Variants in TTLL8 observed in about 807,000 individuals in gnomAD.
TTLL8 encodes tubulin tyrosine ligase like 8.
TTLL8 carries 65 observed loss-of-function variants against 77.8 expected under a neutral mutation model. The ratio of observed to expected loss-of-function variants is 0.84; its 90% confidence interval spans 0.68 to 1.03. The LOEUF is 1.03. TTLL8 is among the 50% of genes least tolerant of loss of function. The pLI, the probability that TTLL8 is intolerant of heterozygous loss-of-function variation, is 0.00. For missense variants in TTLL8, 910 were observed against 1,004.5 expected (o/e 0.91, Z 1.27); for synonymous variants, 402 against 422.8 (o/e 0.95, Z 0.60).
chr22:50,032,127 G>A lies in TTLL8; in HGVS notation c.1284-18C>T, dbSNP rs772000301. ...GGATGGCGCTGCAGGGGGGACGAGG[G>A]GCAGGTGCTCAGCCTCCCTTGGCCC... On this transcript the variant is annotated intron_variant, in intron 10 of 13. Coordinates refer to ENST00000266182, the Ensembl canonical transcript of TTLL8. 86 of 1,341,246 alleles carry A rather than the reference G, an allele frequency of 6.4e-5. 2 individuals carry two copies. The South Asian group carries it at 9.5e-4, about 15-fold the overall frequency. The allele number at this position is 1,341,246 out of a possible 1,614,324, so 83.1% of individuals were successfully genotyped here. A position where few individuals can be genotyped will look rare whatever the true frequency, so the allele number is the denominator to read the frequency against.
At chr22:50,038,848 T>C (rs545502809) in intron 8 of TTLL8, among the ~76,000 whole-genome samples, 20 of 152,216 alleles carry the variant, frequency 1.3e-4, no homozygotes, top group Non-Finnish European at 4.4e-5. Context: ...CATTTCCAAG[T>C]TGGCTAAACA....
At chr22:50,030,283 C>T (rs1030627740) in intron 12 of TTLL8, 147 bp downstream of exon 13, 21 of 1,085,946 alleles carry the variant, frequency 1.9e-5, no homozygotes, top group African/African-American at 1.7e-5. Flanking sequence ...CGGCTCCCGC[C>T]GGCGCCTCCG....
intron 8 of TTLL8, among the ~76,000 whole-genome samples, chr22:50,037,001 T>C (rs1036126161): frequency 2.2e-4 from 34 of 152,220 alleles, no homozygotes; most frequent in Non-Finnish European, 4.8e-4. Context: ...TGGGCCATCA[T>C]GAAGTCTTTC....
At chr22:50,054,770 T>C (rs532984784), upstream of TTLL8, 1 of 172,160 alleles carries the variant, frequency 5.8e-6, no homozygotes, top group South Asian at 1.6e-4. Flanking sequence ...ATAAAAGGTA[T>C]CTCCAGGCTA....
intron 1 of TTLL8, among the ~76,000 whole-genome samples, chr22:50,052,655 T>A (rs1214885769): frequency 6.6e-6 from 1 of 152,190 alleles, no homozygotes; most frequent in African/African-American, 2.4e-5. Flanking sequence ...AAATAGTCTT[T>A]GGGACAAATA....
upstream of TTLL8, chr22:50,056,656 G>C: frequency 4.4e-6 from 3 of 677,454 alleles, no homozygotes; most frequent in Non-Finnish European, 5.5e-6. The surrounding 1 kb of genome is among the most constrained non-coding windows in gnomAD (Gnocchi z 4.1). Context: ...TGGCCAGTGG[G>C]ATCGGGGTAC....
chr22:50,020,333 A>ATCTGACGTGCACC (rs2061187397), intron 12 of TTLL8, among the ~76,000 whole-genome samples: 1 of 93,694 alleles, frequency 1.1e-5, no homozygotes, highest in African/African-American at 4.7e-5. Flanking sequence ...TGACGTGCAC[A>ATCTGACGTGCACC]CCTCCATCTA....
intron 3 of TTLL8, among the ~76,000 whole-genome samples, chr22:50,048,115 A>G (rs866655349): frequency 6.9e-6 from 1 of 145,640 alleles, no homozygotes. Flanking sequence ...CCCCCAAAAA[A>G]GTGTGTGTGT....
intron 8 of TTLL8, among the ~76,000 whole-genome samples, chr22:50,040,044 G>A (rs903971108): frequency 5.6e-5 from 8 of 142,352 alleles, no homozygotes; most frequent in African/African-American, 1.6e-4. Flanking sequence ...CAGACCCCAC[G>A]TGTGCCAGTG....
Position 50,028,611 on chromosome 22 carries a change from C to A in TTLL8, c.2203+1819G>T, listed in dbSNP as rs543974263. Among the ~76,000 whole-genome samples, 39 of 144,816 alleles carry A rather than the reference C, an allele frequency of 2.7e-4. 1 individual carries two copies. The highest frequency in any genetic ancestry group is 8.8e-4 in the African/African-American group (35 of 39,836). On this transcript the variant is annotated intron_variant, in intron 12 of 13. Transcript: ENST00000266182. The stretch of plus-strand genomic sequence containing the variant: ...TGCCCTCGTAAAGACCCCCATCACA[C>A]CGTCCTGAAGACCCCCACATACCCT...
intron 12 of TTLL8, chr22:50,027,644 C>G (rs1159966250): frequency 8.1e-6 from 8 of 985,328 alleles, no homozygotes; most frequent in Admixed American, 6.1e-5. Context: ...GCTCCAAGGG[C>G]CAGCACGCAC....
intron 8 of TTLL8, among the ~76,000 whole-genome samples, chr22:50,036,653 G>A (rs2061339105): frequency 3.3e-5 from 5 of 150,576 alleles, no homozygotes. Context: ...AGGCTTGAGT[G>A]CAGTGGCACG....
At chr22:50,037,593 T>G (rs2061345572) in intron 8 of TTLL8, among the ~76,000 whole-genome samples, 2 of 152,216 alleles carry the variant, frequency 1.3e-5, no homozygotes, top group South Asian at 4.1e-4. Context: ...TACATTTTTT[T>G]TTCGTATGGC....
At position 50,034,607 on chromosome 22, in the gene TTLL8, G is replaced by A; in HGVS notation, c.922-145C>T. 1 of 804,340 alleles carries A rather than the reference G, an allele frequency of 1.2e-6. No individual in the cohort carries two copies. Among genetic ancestry groups the A allele is most frequent in the Non-Finnish European group, 1.7e-6 (1 of 580,790 alleles). The allele number at this position is 804,340 out of a possible 1,614,324, so 49.8% of individuals were successfully genotyped here. ...TCTAGGATGGTCTGGGGCTGGCCTGGCGGGAAAGGGCTGCGGGTCGGCCCA... is the reference window on the plus strand; with the variant it reads ...TCTAGGATGGTCTGGGGCTGGCCTGACGGGAAAGGGCTGCGGGTCGGCCCA... On this transcript the variant is annotated intron_variant, in intron 8 of 13. Transcript: ENST00000266182. This position sits in a 1 kb window ranked among gnomAD's most constrained non-coding sequence, Gnocchi z 4.1.
intron 12 of TTLL8, chr22:50,030,157 G>T: frequency 4.1e-6 from 4 of 984,968 alleles, no homozygotes; most frequent in Non-Finnish European, 4.8e-6. Flanking sequence ...GGGGACAAAG[G>T]CGTCACCCGC....
intron 11 of TTLL8, among the ~76,000 whole-genome samples, chr22:50,031,457 C>T (rs1044475163): frequency 1.3e-5 from 2 of 152,238 alleles, no homozygotes; most frequent in Non-Finnish European, 2.9e-5. Context: ...TCCGCCCGCA[C>T]GCCTGGAGTA....
chr22:50,050,155 CA>C lies in TTLL8; in HGVS notation c.143del (p.Leu48CysfsTer40). On this transcript the variant is annotated frameshift_variant, in exon 2 of 14. Coordinates refer to ENST00000266182, the Ensembl canonical transcript of TTLL8. LOFTEE classifies it high-confidence loss of function. ...CCTCGACATCCGGAATGACCTTGGG[CA>C]AAAAGTGGAACTTCTTCTCTACCCA... The C allele has an allele frequency of 7.3e-7, 1 of 1,367,108 alleles. No homozygotes were observed. Among genetic ancestry groups the C allele is most frequent in the Non-Finnish European group, 9.8e-7 (1 of 1,021,696 alleles). 84.7% of individuals were successfully genotyped at this position (1,367,108 alleles called of 1,614,324 possible).
At chr22:50,030,978 TC>T in intron 11 of TTLL8, 53 bp from the exon 13 acceptor site, 5 of 1,282,348 alleles carry the variant, frequency 3.9e-6, no homozygotes, top group Non-Finnish European at 5.1e-6. Context: ...ATAGGGGGGG[TC>T]CCTGCAGGAG....
At chr22:50,031,509 G>A (rs2061292556) in intron 11 of TTLL8, 177 bp downstream of exon 12, 6 of 977,064 alleles carry the variant, frequency 6.1e-6, no homozygotes, top group Non-Finnish European at 2.4e-6. Flanking sequence ...CCCCATGGGA[G>A]AGCAGGGCAG....
Sources: allele counts gnomAD v4.1 joint callset (sites outside exome capture counted in the v4.1 genomes callset), GRCh38; gene constraint gnomAD v4.1.1; non-coding constraint Gnocchi (gnomAD v3.1); transcripts MANE v1.5; gene names NCBI Gene and HGNC (gene_info 2026-07-23, HGNC 2026-07-21).